Variants in CRPPA observed in about 807,000 individuals in gnomAD.
CRPPA encodes CDP-L-ribitol pyrophosphorylase A.
CRPPA carries 43 observed loss-of-function variants against 52.0 expected under a neutral mutation model. The ratio of observed to expected loss-of-function variants is 0.83; its 90% CI spans 0.65 to 1.07. The LOEUF (loss-of-function observed/expected upper bound fraction) is 1.07. Ranked by LOEUF, CRPPA falls within the 50% of genes least tolerant of loss-of-function variation. The pLI is 0.00. For missense variants in CRPPA, 629 were observed against 551.7 expected, an observed-to-expected ratio of 1.14 and a Z score of -1.40; for synonymous variants, 250 against 203.5, an observed-to-expected ratio of 1.23 and a Z score of -1.94.
In CRPPA at chr7:16,125,025, A is replaced by C. The variant is rs193054920; in HGVS notation, c.1252-33226T>G. Among the ~76,000 whole-genome samples the C allele has an allele frequency of 1.9e-3, 295 of 151,728 alleles. No homozygotes were observed. In the East Asian group the frequency reaches 0.021, roughly 11 times the overall value. On this transcript the variant is annotated intron_variant, in intron 9 of 9. Transcript: ENST00000407010. ...CTGTAATCCCAGCACTTTGGGAGGC[A>C]GAGGTGGGCAGATCACCTGAGGTCA...
chr7:16,145,476 G>A (rs1389451229), intron 9 of CRPPA, among the ~76,000 whole-genome samples: 1 of 152,158 alleles, frequency 6.6e-6, no homozygotes, highest in Admixed American at 6.5e-5. Context: ...TAAACCCTCA[G>A]TAACCAATGA....
chr7:16,379,299 T>C (rs1410811218), intron 2 of CRPPA, among the ~76,000 whole-genome samples: 4 of 152,222 alleles, frequency 2.6e-5, no homozygotes. Flanking sequence ...CAGATAGTTG[T>C]AGATATGTGG....
At chr7:16,310,217 C>A (rs1275407635) in intron 3 of CRPPA, among the ~76,000 whole-genome samples, 1 of 152,066 alleles carries the variant, frequency 6.6e-6, no homozygotes, top group East Asian at 1.9e-4. Context: ...AACAGACAGA[C>A]ACTGAAAACC....
In CRPPA at chr7:16,244,665, G is replaced by A. The variant is rs145309424; in HGVS notation, c.1119+13725C>T. Among the ~76,000 whole-genome samples, 427 of 152,276 alleles carry A rather than the reference G, an allele frequency of 2.8e-3. 7 individuals are homozygous for A. The highest frequency in any genetic ancestry group is 0.024 in the Admixed American group (373 of 15,284). On this transcript the variant is annotated intron_variant, in intron 8 of 9. Coordinates refer to ENST00000407010, the MANE Select transcript of CRPPA (RefSeq NM_001101426.4). ...TATCTGTTCTTGTAGAGTAAAAAGT[G>A]ATGACGCTGCAAATGACAACCTTAA...
At chr7:16,222,027 C>A (rs1562567231) in intron 8 of CRPPA, among the ~76,000 whole-genome samples, 1 of 150,822 alleles carries the variant, frequency 6.6e-6, no homozygotes, top group Admixed American at 6.6e-5. Flanking sequence ...TTCACAATAG[C>A]AAAGACTTGG....
intron 9 of CRPPA, among the ~76,000 whole-genome samples, chr7:16,204,113 G>A (rs1414182841): frequency 6.6e-6 from 1 of 152,024 alleles, no homozygotes; most frequent in Non-Finnish European, 1.5e-5. Flanking sequence ...AATCACCTAA[G>A]TTATAATTTT....
At chr7:16,304,656 T>C (rs1784868959) in intron 4 of CRPPA, among the ~76,000 whole-genome samples, 1 of 151,910 alleles carries the variant, frequency 6.6e-6, no homozygotes, top group Non-Finnish European at 1.5e-5. Context: ...AATTAATTAA[T>C]TAAAGAAAAT....
intron 3 of CRPPA, among the ~76,000 whole-genome samples, chr7:16,328,826 T>A (rs572835454): frequency 1.3e-5 from 2 of 152,268 alleles, no homozygotes; most frequent in Admixed American, 1.3e-4. Context: ...CCAGTTTTCA[T>A]AATGGAATAC....
At chr7:16,239,231 A>G (rs1783038043) in intron 8 of CRPPA, among the ~76,000 whole-genome samples, 1 of 151,892 alleles carries the variant, frequency 6.6e-6, no homozygotes, top group Admixed American at 6.6e-5. Context: ...AAAAACATTA[A>G]GTAACTTGGA....
intron 8 of CRPPA, among the ~76,000 whole-genome samples, chr7:16,221,956 A>G (rs180936017): frequency 6.6e-6 from 1 of 152,220 alleles, no homozygotes; most frequent in East Asian, 1.9e-4. Flanking sequence ...GTACATACCC[A>G]AAGGACTATA....
intron 9 of CRPPA, among the ~76,000 whole-genome samples, chr7:16,179,839 C>A (rs1781376050): frequency 6.6e-6 from 1 of 152,102 alleles, no homozygotes; most frequent in African/African-American, 2.4e-5. Flanking sequence ...TTATAGTCAA[C>A]AAACCATGAT....
At chr7:16,380,053 T>A (rs1562665918) in intron 2 of CRPPA, among the ~76,000 whole-genome samples, 1 of 151,134 alleles carries the variant, frequency 6.6e-6, no homozygotes, top group Non-Finnish European at 1.5e-5. Flanking sequence ...AGAGAGGGCA[T>A]CCCTGTCTTG....
At chr7:16,250,218 AC>A in intron 8 of CRPPA, among the ~76,000 whole-genome samples, 1 of 152,208 alleles carries the variant, frequency 6.6e-6, no homozygotes, top group Non-Finnish European at 1.5e-5. Flanking sequence ...GAAATACGAG[AC>A]TATGTGAAAA....
chr7:16,216,289 T>C (rs549064251), intron 8 of CRPPA, 92 bp from the exon 9 acceptor site: 2 of 740,318 alleles, frequency 2.7e-6, no homozygotes, highest in South Asian at 4.3e-5. Context: ...ACCCATATGA[T>C]TACAATATTG....
intron 5 of CRPPA, among the ~76,000 whole-genome samples, chr7:16,300,843 T>C (rs1784777120): frequency 6.6e-6 from 1 of 152,226 alleles, no homozygotes; most frequent in East Asian, 1.9e-4. Flanking sequence ...CAAATGCTTG[T>C]TGCTTATTAA....
At chr7:16,264,641 G>T (rs1309494136) in intron 6 of CRPPA, among the ~76,000 whole-genome samples, 2 of 152,164 alleles carry the variant, frequency 1.3e-5, no homozygotes, top group African/African-American at 2.4e-5. Context: ...TACAGAAAAC[G>T]TTGGCTGGGT....
In CRPPA at chr7:16,258,808, A is replaced by T. The variant is rs1487327098; in HGVS notation, c.1026+112T>A. ...TCTTTCAAAGATAAAATCTCCAAAA[A>T]TGTGTAGAAGAACTCATCATAATAT... On this transcript the variant is annotated intron_variant, in intron 7 of 9. Transcript: ENST00000407010. 46 of 620,136 alleles carry T rather than the reference A, an allele frequency of 7.4e-5. No homozygotes were observed. The Admixed American group carries it at 1.6e-3, about 21-fold the overall frequency. 38.4% of individuals were successfully genotyped at this position (620,136 alleles called of 1,614,324 possible).
In CRPPA at chr7:16,106,748, G is replaced by A. The variant is rs1340102555; in HGVS notation, c.1252-14949C>T. ...AATAATTATGAAGAATAAGGGAATC[G>A]TGACACCTCTAAAAGAAAGTAATAA... On this transcript the variant is annotated intron_variant, in intron 9 of 9. Coordinates refer to ENST00000407010, the MANE Select transcript of CRPPA (RefSeq NM_001101426.4). Among the ~76,000 whole-genome samples, 5 of 152,098 alleles carry A rather than the reference G, an allele frequency of 3.3e-5. No homozygotes were observed. The South Asian group carries it at 8.3e-4, about 25-fold the overall frequency.
chr7:16,312,930 G>A (rs956332847), intron 3 of CRPPA, among the ~76,000 whole-genome samples: 1 of 151,916 alleles, frequency 6.6e-6, no homozygotes, highest in Non-Finnish European at 1.5e-5. Context: ...ATCCCAGTCA[G>A]TTGTGGGGTT....
Sources: gnomAD v4.1 joint callset for allele counts (sites outside exome capture counted in the v4.1 genomes callset) on GRCh38, gnomAD v4.1.1 for gene constraint, MANE v1.5 for transcripts, NCBI Gene and HGNC (gene_info 2026-07-23, HGNC 2026-07-21) for gene names.